The following FAAH variants were observed in gnomAD, a reference collection of about 807,000 sequenced individuals.
FAAH encodes the protein fatty acid amide hydrolase.
A neutral mutation model predicts 69.7 loss-of-function variants in FAAH; 63 were observed. The observed-to-expected ratio is 0.90, with a 90% confidence interval of 0.74 to 1.12. FAAH has a LOEUF of 1.12. Among genes scored for constraint, FAAH ranks in the 50% most tolerant of loss-of-function variants. The probability of loss-of-function intolerance (pLI) is 0.00; values close to 1 mark genes in which losing one functional copy is unlikely to be tolerated. For synonymous variants in FAAH, 305 were observed against 324.2 expected (o/e 0.94, Z 0.64); for missense variants, 680 against 755.0 (o/e 0.90, Z 1.16).
intron 13 of FAAH, 96 bp downstream of exon 13, chr1:46,412,347 T>G: frequency 1.9e-6 from 2 of 1,076,690 alleles, no homozygotes; most frequent in Non-Finnish European, 1.4e-6. Flanking sequence ...GGGAGGACCC[T>G]GCCCTCTCGG....
intron 1 of FAAH, among the ~76,000 whole-genome samples, chr1:46,396,455 G>C (rs2148443085): frequency 6.6e-6 from 1 of 152,278 alleles, no homozygotes; most frequent in South Asian, 2.1e-4. Context: ...GGTATGGTCA[G>C]GTCTTTCCCT....
intron 9 of FAAH, 31 bp downstream of exon 9, chr1:46,409,229 G>T: frequency 6.4e-7 from 1 of 1,563,256 alleles, no homozygotes; most frequent in South Asian, 1.1e-5. Context: ...GGGTCTTGGT[G>T]GGATCAGACA....
chr1:46,403,743 A>G (rs115770031), intron 2 of FAAH, among the ~76,000 whole-genome samples: 2,482 of 152,328 alleles, frequency 0.016, 34 homozygotes, highest in Non-Finnish European at 0.022. Flanking sequence ...CACCTGAGGT[A>G]GGGTTTCCTC....
chr1:46,400,845 G>C (rs1664686672), intron 1 of FAAH, among the ~76,000 whole-genome samples: 1 of 39,552 alleles, frequency 2.5e-5, no homozygotes, highest in Non-Finnish European at 4.8e-5. Context: ...AGGGGAGGAG[G>C]GGAAGGGTAG....
Position 46,410,246 on chromosome 1 carries a change from AC to A in FAAH, c.1176-151del. On this transcript the variant is annotated intron_variant, in intron 9 of 14. Transcript: ENST00000243167. This position sits in a 1 kb window ranked among gnomAD's most constrained non-coding sequence, Gnocchi z 4.9. ...CAGGCATCCCAAAGGATCAGCAGAAACAAACGGCATGTTTGGAAGGAGGGAG... is the reference window on the plus strand; with the variant it reads ...CAGGCATCCCAAAGGATCAGCAGAAAAAACGGCATGTTTGGAAGGAGGGAG... 1.4e-6 allele frequency: 1 copy of A among 738,456 alleles called. No individual in the cohort carries two copies. The highest frequency in any genetic ancestry group is 2.5e-5 in the East Asian group (1 of 40,344). The allele number at this position is 738,456 out of a possible 1,614,324, so 45.7% of individuals were successfully genotyped here. A position where few individuals can be genotyped will look rare whatever the true frequency, so the allele number is the denominator to read the frequency against.
intron 2 of FAAH, among the ~76,000 whole-genome samples, chr1:46,403,057 C>T (rs1175350607): frequency 6.6e-6 from 1 of 152,140 alleles, no homozygotes; most frequent in Non-Finnish European, 1.5e-5. Context: ...TGGTCTCAAA[C>T]TCCTGACCTC....
chr1:46,410,991 T>C lies in FAAH; in HGVS notation c.1316+137T>C, dbSNP rs1223429737. 1.9e-6 allele frequency: 2 copies of C among 1,026,502 alleles called. No individual in the cohort carries two copies. Among genetic ancestry groups the C allele is most frequent in the East Asian group, 2.5e-5 (1 of 39,860 alleles). The allele number at this position is 1,026,502 out of a possible 1,614,324, so 63.6% of individuals were successfully genotyped here. ...AGTGGCCCAGGCAGGGGGGCAACCT[T>C]TGTGGCCTTCAGATGGGACTTTGAA... On this transcript the variant is annotated intron_variant, in intron 11 of 14. Transcript: ENST00000243167. This position sits in a 1 kb window ranked among gnomAD's most constrained non-coding sequence, Gnocchi z 4.9.
rs1327084234 is a variant in FAAH at position 46,406,186 on chromosome 1, C to G, written c.827-58C>G. ...GGCAGTGTCTGGCCCCCAGGCTGCTCTAGGTCTGGGTTCCTCGCTCCTTGT... is the reference window on the plus strand; with the variant it reads ...GGCAGTGTCTGGCCCCCAGGCTGCTGTAGGTCTGGGTTCCTCGCTCCTTGT... On this transcript the variant is annotated intron_variant, in intron 6 of 14. Transcript: ENST00000243167. The G allele has an allele frequency of 2.5e-6, 4 of 1,613,814 alleles. No homozygotes were observed. In the African/African-American group the frequency reaches 4.0e-5, roughly 16 times the overall value.
rs978340347 is a variant in FAAH at position 46,410,084 on chromosome 1, C to T, written c.1176-314C>T. On this transcript the variant is annotated intron_variant, in intron 9 of 14. Transcript: ENST00000243167. The surrounding 1 kb of genome is among the most constrained non-coding windows in gnomAD (Gnocchi z 4.9). Reference sequence around the variant, plus strand: ...CCACCTGTGCCTCCAGGCTGTACCTCCCTAAGGGGAGGTACCCTCAGGGAG... The same window carrying T: ...CCACCTGTGCCTCCAGGCTGTACCTTCCTAAGGGGAGGTACCCTCAGGGAG... The T allele has an allele frequency of 5.3e-5, 17 of 322,082 alleles. No individual in the cohort carries two copies. The highest frequency in any genetic ancestry group is 1.7e-4 in the Admixed American group (4 of 22,998). The allele number at this position is 322,082 out of a possible 1,614,324, so 20.0% of individuals were successfully genotyped here.
At chr1:46,412,041 A>G (rs746388461) in intron 12 of FAAH, 102 bp from the exon 13 acceptor site, 4 of 970,710 alleles carry the variant, frequency 4.1e-6, no homozygotes, top group East Asian at 2.6e-5. Flanking sequence ...ATCCAGGGGC[A>G]GGTGCTGGGG....
At chr1:46,406,952 A>G (rs1212431425) in intron 7 of FAAH, among the ~76,000 whole-genome samples, 1 of 152,094 alleles carries the variant, frequency 6.6e-6, no homozygotes, top group Non-Finnish European at 1.5e-5. Context: ...TGCTGGCACC[A>G]GGGATGCAGG....
Position 46,399,475 on chromosome 1 carries a change from C to T in FAAH, c.196-2616C>T, listed in dbSNP as rs1664658560. ...TAGCAGCTGTGTCATTAACTGTCAA[C>T]AGGCAAGAACATAGGAAAGAATGAA... On this transcript the variant is annotated intron_variant, in intron 1 of 14. Coordinates refer to ENST00000243167, the MANE Select transcript of FAAH (RefSeq NM_001441.3). Among the ~76,000 whole-genome samples, 6 of 152,334 alleles carry T rather than the reference C, an allele frequency of 3.9e-5. No individual in the cohort carries two copies. The South Asian group carries it at 1.2e-3, about 32-fold the overall frequency.
intron 1 of FAAH, among the ~76,000 whole-genome samples, chr1:46,397,791 G>T (rs1456767669): frequency 6.6e-6 from 1 of 151,992 alleles, no homozygotes; most frequent in East Asian, 1.9e-4. Flanking sequence ...TCGACCTCCC[G>T]ACCTCAGGTG....
At position 46,411,015 on chromosome 1, in the gene FAAH, A is replaced by C; in HGVS notation, c.1316+161A>C. 1 of 827,350 alleles carries C rather than the reference A, an allele frequency of 1.2e-6. No homozygotes were observed. The highest frequency in any genetic ancestry group is 1.4e-5 in the South Asian group (1 of 69,914). The allele number at this position is 827,350 out of a possible 1,614,324, so 51.3% of individuals were successfully genotyped here. The stretch of plus-strand genomic sequence containing the variant: ...TTTGTGGCCTTCAGATGGGACTTTG[A>C]AGTTGTCTTGGCAAGGTCCAGTTCT... On this transcript the variant is annotated intron_variant, in intron 11 of 14. Transcript: ENST00000243167. The surrounding 1 kb of genome is among the most constrained non-coding windows in gnomAD (Gnocchi z 4.8).
intron 1 of FAAH, among the ~76,000 whole-genome samples, chr1:46,399,569 C>T (rs182357891): frequency 2.0e-5 from 3 of 152,262 alleles, no homozygotes; most frequent in Admixed American, 2.0e-4. Flanking sequence ...ACTCTGTGGG[C>T]GCCTTGTAGC....
chr1:46,397,148 G>A (rs1280582909), intron 1 of FAAH, among the ~76,000 whole-genome samples: 1 of 152,198 alleles, frequency 6.6e-6, no homozygotes, highest in Non-Finnish European at 1.5e-5. Context: ...TTTATCCCTG[G>A]CTCTGTGCAG....
intron 2 of FAAH, among the ~76,000 whole-genome samples, chr1:46,403,267 A>T (rs1664735781): frequency 1.3e-5 from 2 of 151,862 alleles, no homozygotes; most frequent in South Asian, 4.1e-4. Context: ...AGTAGCTGGG[A>T]TTATAGACAT....
chr1:46,401,380 C>T (rs777660793), intron 1 of FAAH, among the ~76,000 whole-genome samples: 47 of 152,132 alleles, frequency 3.1e-4, no homozygotes, highest in Non-Finnish European at 5.1e-4. Flanking sequence ...GGGTCTGCGG[C>T]TTCATTCTTG....
rs763495226 is a variant in FAAH, at chr1:46,410,512, A to T, written c.1275+15A>T. On this transcript the variant is annotated intron_variant, in intron 10 of 14. Transcript: ENST00000243167. This position sits in a 1 kb window ranked among gnomAD's most constrained non-coding sequence, Gnocchi z 4.9. ...TGAAGCCTCTGGTGAGGGCACAAGG[A>T]GTGGAGGGGCTAGGATGGCTGGGGG... 6.2e-7 allele frequency: 1 copy of T among 1,609,678 alleles called. No individual in the cohort carries two copies. The highest frequency in any genetic ancestry group is 1.7e-5 in the Admixed American group (1 of 59,988).
Sources: allele counts gnomAD v4.1 joint callset (sites outside exome capture counted in the v4.1 genomes callset), GRCh38; gene constraint gnomAD v4.1.1; non-coding constraint Gnocchi (gnomAD v3.1); transcripts MANE v1.5; gene names NCBI Gene and HGNC (gene_info 2026-07-23, HGNC 2026-07-21).